The following RPS3A variants were observed in gnomAD, a reference collection of about 807,000 sequenced individuals.
RPS3A encodes ribosomal protein S3A.
RPS3A carries 1 observed loss-of-function variant against 26.4 expected under a neutral mutation model. The observed-to-expected ratio is 0.04, with a 90% CI of 0.01 to 0.18. The LOEUF is 0.18. Ranked by LOEUF, RPS3A falls within the 10% of genes least tolerant of loss-of-function variation. The pLI is 1.00. For missense variants in RPS3A, 139 were observed against 326.8 expected (o/e 0.43, Z 4.43); for synonymous variants, 97 against 106.1 (o/e 0.91, Z 0.53).
At chr4:151,099,868 T>C (rs1579554726) in intron 1 of RPS3A, 154 bp downstream of exon 1, 1 of 792,616 alleles carries the variant, frequency 1.3e-6, no homozygotes, top group African/African-American at 1.7e-5. Context: ...GCCTGGAGGG[T>C]CGGTGTTGAG....
intron 1 of RPS3A, 141 bp from the exon 2 acceptor site, chr4:151,100,344 C>T (rs1747065451): frequency 5.0e-6 from 3 of 597,590 alleles, no homozygotes; most frequent in South Asian, 2.0e-5. Flanking sequence ...TATGTTTGTT[C>T]CCCTCACCTC....
At chr4:151,104,439 G>GTTTTT (rs386401872) in intron 5 of RPS3A, 33 bp from the exon 6 acceptor site, 33,678 of 686,948 alleles carry the variant, frequency 0.049, 162 homozygotes, top group Non-Finnish European at 0.054. Context: ...CAGTTTTTTG[G>GTTTTT]TTTTTTTTTT....
chr4:151,101,226 G>A, intron 3 of RPS3A, 64 bp downstream of exon 3: 1 of 940,126 alleles, frequency 1.1e-6, no homozygotes, highest in Non-Finnish European at 1.6e-6. Flanking sequence ...AGCATGGTTT[G>A]ATGACTGGAA....
intron 1 of RPS3A, 132 bp downstream of exon 1, chr4:151,099,846 C>A: frequency 2.0e-6 from 2 of 987,856 alleles, no homozygotes; most frequent in Non-Finnish European, 3.1e-6. Context: ...GGTTGGTGCA[C>A]CCAGGAACGC....
rs759138828 is a variant in RPS3A at position 151,100,958 on chromosome 4, G to GT, written c.167-10dup. The GT allele has an allele frequency of 9.0e-6, 14 of 1,555,950 alleles. No homozygotes were observed. The Admixed American group carries it at 1.4e-4, about 16-fold the overall frequency. On this transcript the variant is annotated splice_polypyrimidine_tract_variant and intron_variant, in intron 2 of 5. Coordinates refer to ENST00000274065, the MANE Select transcript of RPS3A (RefSeq NM_001006.5). ...ATGGTTCCTAAATGTTAAGATACTTGTTTTTTTCTTTTGTAGAAATTGCAT... is the reference window on the plus strand; with the variant it reads ...ATGGTTCCTAAATGTTAAGATACTTGTTTTTTTTCTTTTGTAGAAATTGCAT...
intron 3 of RPS3A, chr4:151,102,074 T>C (rs766601451): frequency 1.9e-6 from 1 of 518,388 alleles, no homozygotes; most frequent in Non-Finnish European, 3.8e-6. Context: ...GATGACAAAA[T>C]GTTTCAGTCC....
In RPS3A at chr4:151,103,686, G is replaced by A. The variant is rs1448172895; in HGVS notation, c.564-491G>A. 3.7e-6 allele frequency: 4 copies of A among 1,091,330 alleles called. No individual in the cohort carries two copies. In the African/African-American group the frequency reaches 6.6e-5, roughly 18 times the overall value. 67.6% of individuals were successfully genotyped at this position (1,091,330 alleles called of 1,614,324 possible). ...GGAGGCTGAGGTGGTAGGATTGTTT[G>A]AGCCCAGGAGTTTGAGGCCAGCCTG... is the stretch of plus-strand genomic sequence containing the variant. On this transcript the variant is annotated intron_variant, in intron 4 of 5. Coordinates refer to ENST00000274065, the MANE Select transcript of RPS3A (RefSeq NM_001006.5).
At chr4:151,103,317 C>CAAGGAGGA in intron 4 of RPS3A, 1 of 746,666 alleles carries the variant, frequency 1.3e-6, no homozygotes, top group Non-Finnish European at 1.9e-6. Context: ...TATTGTGATC[C>CAAGGAGGA]TCCTTGGCTC....
chr4:151,104,447 T>TTTTTTTTTTTTTTTTTTC, intron 5 of RPS3A, 25 bp from the exon 6 acceptor site: 1 of 1,378,714 alleles, frequency 7.3e-7, no homozygotes, highest in Non-Finnish European at 9.4e-7. Flanking sequence ...TGGTTTTTTT[T>TTTTTTTTTTTTTTTTTTC]TTTTTTTTTT....
chr4:151,104,097 G>C (rs899730898), intron 4 of RPS3A, 80 bp from the exon 5 acceptor site: 3 of 1,507,612 alleles, frequency 2.0e-6, no homozygotes, highest in Non-Finnish European at 2.6e-6. Context: ...TTATTCCAAG[G>C]CTTCTCTACT....
At chr4:151,101,953 G>A (rs976166226) in intron 3 of RPS3A, 38 of 428,384 alleles carry the variant, frequency 8.9e-5, no homozygotes, top group African/African-American at 6.8e-4. Flanking sequence ...GGCTGGTCTC[G>A]AACTCCTGAC....
intron 3 of RPS3A, among the ~76,000 whole-genome samples, chr4:151,101,818 C>T (rs1371104348): frequency 6.6e-6 from 1 of 152,114 alleles, no homozygotes; most frequent in Non-Finnish European, 1.5e-5. Flanking sequence ...CTGCAACCTC[C>T]TCCTCCTGGG....
In RPS3A at chr4:151,099,860, C is replaced by CT. The variant is rs569697192; in HGVS notation, c.62+147dup. The CT allele has an allele frequency of 4.7e-3, 3,764 of 797,878 alleles. 7 individuals carry two copies. Among genetic ancestry groups the CT allele is most frequent in the Non-Finnish European group, 6.1e-3 (2,981 of 487,202 alleles). The allele number at this position is 797,878 out of a possible 1,614,324, so 49.4% of individuals were successfully genotyped here. A position where few individuals can be genotyped will look rare whatever the true frequency, so the allele number is the denominator to read the frequency against. On this transcript the variant is annotated intron_variant, in intron 1 of 5. Transcript: ENST00000274065. ...GGGTTGGTGCACCCAGGAACGCGGC[C>CT]TGGAGGGTCGGTGTTGAGTAGCGGC...
In RPS3A at chr4:151,104,506, T is replaced by C. The variant is rs577164675; in HGVS notation, c.708T>C (p.Ser236=). 41 of 1,461,524 alleles carry C rather than the reference T, an allele frequency of 2.8e-5. No individual in the cohort carries two copies. In the African/African-American group the frequency reaches 4.5e-4, roughly 16 times the overall value. 90.5% of individuals were successfully genotyped at this position (1,461,524 alleles called of 1,614,324 possible). Residue 236 remains serine (S), a synonymous_variant, in exon 6 of 6, where the codon AGT becomes AGC. Coordinates refer to ENST00000274065, the MANE Select transcript of RPS3A (RefSeq NM_001006.5). ...GKLMELHGEG[S]SSGKATGDET... Reference sequence around the variant, plus strand: ...TCATGGAGCTTCATGGTGAAGGCAGTAGTTCTGGAAAAGCCACTGGGGACG... The same window carrying C: ...TCATGGAGCTTCATGGTGAAGGCAGCAGTTCTGGAAAAGCCACTGGGGACG...
intron 1 of RPS3A, chr4:151,100,030 G>A: frequency 3.3e-6 from 2 of 599,788 alleles, no homozygotes; most frequent in Non-Finnish European, 3.1e-6. Context: ...TGCGACAGCA[G>A]GAGTTGAGGA....
chr4:151,103,136 A>G (rs1377463724), intron 4 of RPS3A, 57 bp downstream of exon 4: 2 of 1,552,698 alleles, frequency 1.3e-6, no homozygotes, highest in Non-Finnish European at 8.7e-7. Context: ...ATTATTCCTG[A>G]GATGAGAGAA....
chr4:151,104,331 T>A (rs1437623744), intron 5 of RPS3A, 45 bp downstream of exon 5: 2 of 1,593,872 alleles, frequency 1.3e-6, no homozygotes, highest in Non-Finnish European at 8.5e-7. Flanking sequence ...AATACATTGT[T>A]TTTGGGTGGA....
chr4:151,099,828 C>A, intron 1 of RPS3A, 114 bp downstream of exon 1: 1 of 1,207,132 alleles, frequency 8.3e-7, no homozygotes, highest in Non-Finnish European at 1.2e-6. Flanking sequence ...ATTGTGCGGG[C>A]CGTGGCGGGT....
intron 3 of RPS3A, 37 bp from the exon 4 acceptor site, chr4:151,102,834 A>C: frequency 6.3e-7 from 1 of 1,589,784 alleles, no homozygotes; most frequent in Non-Finnish European, 8.6e-7. Flanking sequence ...TGGATAACGT[A>C]AAACCTGTTA....
Sources: allele counts gnomAD v4.1 joint callset (sites outside exome capture counted in the v4.1 genomes callset), GRCh38; gene constraint gnomAD v4.1.1; transcripts MANE v1.5; gene names NCBI Gene and HGNC (gene_info 2026-07-23, HGNC 2026-07-21).